The following SIRT1 variants were observed in gnomAD, a reference collection of about 807,000 sequenced individuals.
SIRT1 encodes NAD-dependent protein deacetylase sirtuin-1.
A neutral mutation model predicts 67.9 loss-of-function variants in SIRT1; 24 were observed. The ratio of observed to expected loss-of-function variants is 0.35; its 90% CI spans 0.26 to 0.50. The LOEUF is 0.50. Ranked by LOEUF, SIRT1 falls within the 20% of genes least tolerant of loss-of-function variation. The pLI is 0.98. For synonymous variants in SIRT1, 378 were observed against 350.7 expected (o/e 1.08, Z -0.87); for missense variants, 873 against 937.2 (o/e 0.93, Z 0.89).
At chr10:67,897,971 T>G (rs1431681154) in intron 4 of SIRT1, among the ~76,000 whole-genome samples, 4 of 110,346 alleles carry the variant, frequency 3.6e-5, no homozygotes, top group Non-Finnish European at 5.8e-5. Context: ...TTTTTTTTTT[T>G]AAGTAGGACT....
rs34191591 is a variant in SIRT1, at chr10:67,895,020, A to C, written c.942+3466A>C. On this transcript the variant is annotated intron_variant, in intron 4 of 8. Transcript: ENST00000212015. ...TGATAAATTTAATTTTGCTTTTCTG[A>C]GTTTTCATTTATGGTAATGGTTAAA... Among the ~76,000 whole-genome samples the C allele has an allele frequency of 5.8e-3, 869 of 150,754 alleles. 11 individuals carry two copies. Among genetic ancestry groups the C allele is most frequent in the African/African-American group, 0.02 (824 of 41,200 alleles).
At chr10:67,885,233 C>G in intron 1 of SIRT1, 82 bp downstream of exon 1, 1 of 1,260,160 alleles carries the variant, frequency 7.9e-7, no homozygotes, top group African/African-American at 1.5e-5. Flanking sequence ...TTGAGGGCGG[C>G]TGGGGGCTCG....
At chr10:67,901,566 C>T (rs966577294) in intron 4 of SIRT1, among the ~76,000 whole-genome samples, 1 of 152,086 alleles carries the variant, frequency 6.6e-6, no homozygotes, top group Non-Finnish European at 1.5e-5. Flanking sequence ...TCTTTGTTTT[C>T]TTTACAGCCT....
chr10:67,887,362 A>T, intron 1 of SIRT1, 55 bp from the exon 2 acceptor site: 1 of 1,085,884 alleles, frequency 9.2e-7, no homozygotes, highest in Non-Finnish European at 1.4e-6. Flanking sequence ...AACCGTTCAT[A>T]CATTTTAGGT....
chr10:67,885,353 C>G, intron 1 of SIRT1: 1 of 1,234,456 alleles, frequency 8.1e-7, no homozygotes, highest in Non-Finnish European at 1.0e-6. Flanking sequence ...CTCTTTTCCT[C>G]CGTCCGTGGC....
intron 4 of SIRT1, among the ~76,000 whole-genome samples, chr10:67,896,843 T>C (rs1427562267): frequency 1.4e-5 from 2 of 148,048 alleles, no homozygotes; most frequent in African/African-American, 5.0e-5. Context: ...CAATAAAAAA[T>C]GTCTTCAAAA....
chr10:67,916,802 T>TTA lies in SIRT1; in HGVS notation c.*209_*210insTA, dbSNP rs397965848. The TTA allele has an allele frequency of 5.8e-3, 1,639 of 282,172 alleles. No individual in the cohort carries two copies. Among genetic ancestry groups the TTA allele is most frequent in the Non-Finnish European group, 8.0e-3 (1,226 of 153,550 alleles). The allele number at this position is 282,172 out of a possible 1,614,324, so 17.5% of individuals were successfully genotyped here. ...AACTCAACACTAACTTTTTTTTTTT[T>TTA]AAAAAAAAAAAGGTACTAAGTATCT... On this transcript the variant is annotated 3_prime_UTR_variant, in exon 9 of 9. Coordinates refer to ENST00000212015, the MANE Select transcript of SIRT1 (RefSeq NM_012238.5).
Position 67,913,003 on chromosome 10 carries a change from A to C in SIRT1, c.1887A>C (p.Ala629=), listed in dbSNP as rs1842922556. 1 of 1,610,048 alleles carries C rather than the reference A, an allele frequency of 6.2e-7. No homozygotes were observed. Among genetic ancestry groups the C allele is most frequent in the East Asian group, 2.2e-5 (1 of 44,860 alleles). ...GAAAATGCTGGCCTAATAGAGTGGC[A>C]AAGGAGCAGATTAGTAGGCGGCTTG... The part of the protein sequence containing the change: ...TVRKCWPNRV[A]KEQISRRLDG... Residue 629 remains alanine (A), a synonymous_variant, in exon 8 of 9, where the codon GCA becomes GCC. Coordinates refer to ENST00000212015, the MANE Select transcript of SIRT1 (RefSeq NM_012238.5).
Position 67,906,825 on chromosome 10 carries a change from TCA to T in SIRT1, c.981_982del (p.His327GlnfsTer8). ...YPGQFQPSLC[H>X]KFIALSDKEG... Reference sequence around the variant, plus strand: ...CTGGACAATTCCAGCCATCTCTCTGTCACAAATTCATAGCCTTGTCAGATAAG... The same window carrying T: ...CTGGACAATTCCAGCCATCTCTCTGTCAAATTCATAGCCTTGTCAGATAAG... On this transcript the variant is annotated frameshift_variant, in exon 5 of 9. Coordinates refer to ENST00000212015, the MANE Select transcript of SIRT1 (RefSeq NM_012238.5). LOFTEE classifies it high-confidence loss of function. 1 of 1,613,080 alleles carries T rather than the reference TCA, an allele frequency of 6.2e-7. No individual in the cohort carries two copies. Among genetic ancestry groups the T allele is most frequent in the Non-Finnish European group, 8.5e-7 (1 of 1,179,688 alleles).
chr10:67,899,193 C>T (rs1842704136), intron 4 of SIRT1, among the ~76,000 whole-genome samples: 1 of 151,988 alleles, frequency 6.6e-6, no homozygotes, highest in Non-Finnish European at 1.5e-5. Context: ...TGCAGTGGCT[C>T]ATGCCTGTAA....
chr10:67,895,510 A>ACTTAT (rs1166910252), intron 4 of SIRT1, among the ~76,000 whole-genome samples: 1 of 152,180 alleles, frequency 6.6e-6, no homozygotes, highest in Non-Finnish European at 1.5e-5. Context: ...TCATAGGATA[A>ACTTAT]CCTAAGCTTT....
intron 5 of SIRT1, among the ~76,000 whole-genome samples, chr10:67,907,490 C>CA (rs373037115): frequency 0.64 from 69,704 of 108,778 alleles, 22,718 homozygotes; most frequent in Non-Finnish European, 0.77. Context: ...GAGACTCTGT[C>CA]AAAAAAAAAA....
At chr10:67,898,279 GAAAA>G (rs915420057) in intron 4 of SIRT1, among the ~76,000 whole-genome samples, 3 of 144,788 alleles carry the variant, frequency 2.1e-5, no homozygotes, top group Non-Finnish European at 3.0e-5. Context: ...AAAAAGAAAA[GAAAA>G]AAAAAGAAAA....
Position 67,913,010 on chromosome 10 carries a change from C to A in SIRT1, c.1894C>A (p.Gln632Lys). 1 of 1,606,928 alleles carries A rather than the reference C, an allele frequency of 6.2e-7. No individual in the cohort carries two copies. The highest frequency in any genetic ancestry group is 8.5e-7 in the Non-Finnish European group (1 of 1,177,764). ...CTGGCCTAATAGAGTGGCAAAGGAG[C>A]AGATTAGTAGGCGGCTTGATGGTAA... The part of the protein sequence containing the change: ...KCWPNRVAKE[Q>K]ISRRLDGNQY... The change falls in exon 8 of 9, where the codon CAG (glutamine) becomes AAG (lysine). Residue 632 changes from glutamine (Q) to lysine (K), a missense_variant. Transcript: ENST00000212015.
At chr10:67,894,803 G>A (rs1318316017) in intron 4 of SIRT1, among the ~76,000 whole-genome samples, 11 of 151,976 alleles carry the variant, frequency 7.2e-5, no homozygotes, top group African/African-American at 2.7e-4. Flanking sequence ...TCCACCTCCC[G>A]GGTTCAAGCA....
chr10:67,904,127 G>GT lies in SIRT1; in HGVS notation c.943-2643dup, dbSNP rs1401398689. ...TCAGATTTTTTAGTTTTTTTTGTTT[G>GT]TTTTTTTTTTTTTTTTTTTTAAAGG... On this transcript the variant is annotated intron_variant, in intron 4 of 8. Transcript: ENST00000212015. Among the ~76,000 whole-genome samples, 389 of 140,050 alleles carry GT rather than the reference G, an allele frequency of 2.8e-3. 2 individuals carry two copies. The highest frequency in any genetic ancestry group is 9.3e-3 in the African/African-American group (353 of 37,966). 91.9% of individuals were successfully genotyped at this position (140,050 alleles called of 152,430 possible). A position where few individuals can be genotyped will look rare whatever the true frequency, so the allele number is the denominator to read the frequency against.
intron 7 of SIRT1, among the ~76,000 whole-genome samples, chr10:67,909,800 C>G (rs192174652): frequency 6.6e-6 from 1 of 152,096 alleles, no homozygotes; most frequent in African/African-American, 2.4e-5. Flanking sequence ...GTCTCGAACT[C>G]CTCAGCTCAG....
rs574551376 is a variant in SIRT1 at position 67,902,768 on chromosome 10, T to C, written c.943-4022T>C. The stretch of plus-strand genomic sequence containing the variant: ...CAGCAAAGATTAACATCAGTAAATT[T>C]TGATGAATTCTCTAAAAATTCTGAT... On this transcript the variant is annotated intron_variant, in intron 4 of 8. Transcript: ENST00000212015. Among the ~76,000 whole-genome samples, 46 of 152,294 alleles carry C rather than the reference T, an allele frequency of 3.0e-4. No individual in the cohort carries two copies. In the South Asian group the frequency reaches 9.5e-3, roughly 32 times the overall value.
chr10:67,913,064 T>C (rs202222175), intron 8 of SIRT1, 33 bp downstream of exon 8: 30 of 1,557,282 alleles, frequency 1.9e-5, no homozygotes, highest in Non-Finnish European at 2.4e-5. Flanking sequence ...TTTGAAAGTA[T>C]AAATGTCATA....
Sources: allele counts gnomAD v4.1 joint callset (sites outside exome capture counted in the v4.1 genomes callset), GRCh38; gene constraint gnomAD v4.1.1; transcripts MANE v1.5; gene names NCBI Gene and HGNC (gene_info 2026-07-23, HGNC 2026-07-21).